Variants in DPH6 observed in about 807,000 individuals in gnomAD.
The protein encoded by DPH6 is diphthamine biosynthesis 6.
Under a neutral mutation model 38.2 loss-of-function variants are expected in DPH6, and 33 were observed. That is an observed-to-expected ratio of 0.86 (90% CI 0.65 to 1.15). DPH6 has a LOEUF of 1.15. Among genes scored for constraint, DPH6 ranks in the 50% most tolerant of loss-of-function variants. The probability of loss-of-function intolerance (pLI) is 0.00; values close to 1 mark genes in which losing one functional copy is unlikely to be tolerated. For missense variants in DPH6, 325 were observed against 320.0 expected, an observed-to-expected ratio of 1.02 and a Z score of -0.12; for synonymous variants, 108 against 103.0, an observed-to-expected ratio of 1.05 and a Z score of -0.30.
intron 3 of DPH6, among the ~76,000 whole-genome samples, chr15:35,488,691 A>T (rs1341103663): frequency 1.3e-5 from 2 of 152,186 alleles, no homozygotes; most frequent in African/African-American, 4.8e-5. Context: ...ATCAGTAGTT[A>T]AACATAATTT....
the DPH6 span, among the ~76,000 whole-genome samples, chr15:35,151,100 G>A: frequency 6.6e-6 from 1 of 152,130 alleles, no homozygotes; most frequent in African/African-American, 2.4e-5. Context: ...TAGGTAACTC[G>A]ATTGAGTTAC....
chr15:35,520,370 C>T (rs2339863), intron 3 of DPH6: 714,893 of 982,916 alleles, frequency 0.73, 267,737 homozygotes, highest in South Asian at 0.82. Flanking sequence ...TATTATACAA[C>T]AGTATCAGGA....
chr15:35,311,092 C>A (rs1031190569), intron 3 of DPH6, among the ~76,000 whole-genome samples: 10 of 149,198 alleles, frequency 6.7e-5, no homozygotes, highest in East Asian at 2.0e-4. Flanking sequence ...AAAAAAAAAA[C>A]CCAAAAAAAC....
chr15:35,310,009 T>C (rs902188956), intron 3 of DPH6, among the ~76,000 whole-genome samples: 39 of 152,090 alleles, frequency 2.6e-4, no homozygotes, highest in Admixed American at 1.6e-3. Flanking sequence ...AACTTTTTTT[T>C]CCCCCTGTGT....
downstream of DPH6, among the ~76,000 whole-genome samples, chr15:35,212,510 G>T (rs905794247): frequency 2.6e-5 from 4 of 152,058 alleles, no homozygotes; most frequent in African/African-American, 9.7e-5. Context: ...GCAGGGGAAA[G>T]ATCGTTTAAA....
intron 5 of DPH6, among the ~76,000 whole-genome samples, chr15:35,434,308 C>T (rs58016157): frequency 0.051 from 7,791 of 152,030 alleles, 657 homozygotes; most frequent in African/African-American, 0.18. Context: ...TTTTAAAAAT[C>T]ATAATTTAAA....
At chr15:35,336,462 C>A (rs765125309) in intron 3 of DPH6, among the ~76,000 whole-genome samples, 2 of 152,074 alleles carry the variant, frequency 1.3e-5, no homozygotes, top group Non-Finnish European at 2.9e-5. Context: ...TTGATCAAAT[C>A]GGCTACTGAA....
chr15:35,407,117 A>C (rs2140988070), intron 6 of DPH6, among the ~76,000 whole-genome samples: 1 of 152,156 alleles, frequency 6.6e-6, no homozygotes, highest in East Asian at 1.9e-4. Context: ...CAGGAGCTGA[A>C]ATGTGTCAGT....
chr15:35,357,050 G>A (rs895457356), intron 3 of DPH6, among the ~76,000 whole-genome samples: 3 of 152,218 alleles, frequency 2.0e-5, no homozygotes, highest in Admixed American at 6.5e-5. Flanking sequence ...CTAGCAATGA[G>A]CGAGGCTCCG....
chr15:35,349,432 T>C (rs1320144772), intron 3 of DPH6, among the ~76,000 whole-genome samples: 1 of 152,054 alleles, frequency 6.6e-6, no homozygotes, highest in African/African-American at 2.4e-5. Flanking sequence ...TGTTTGTTTT[T>C]TTGTTTTGTT....
chr15:35,388,869 C>G (rs1049803246), intron 6 of DPH6, among the ~76,000 whole-genome samples: 21 of 152,090 alleles, frequency 1.4e-4, no homozygotes, highest in Non-Finnish European at 2.4e-4. Flanking sequence ...TTAGTTATTT[C>G]TTGCCTTCTG....
downstream of DPH6, among the ~76,000 whole-genome samples, chr15:35,330,260 G>A (rs1200142337): frequency 2.6e-5 from 4 of 152,060 alleles, no homozygotes; most frequent in African/African-American, 4.8e-5. Flanking sequence ...TCTATCATGC[G>A]AATACGTGAA....
chr15:35,240,120 C>T (rs566549180), intron 3 of DPH6, among the ~76,000 whole-genome samples: 1 of 136,202 alleles, frequency 7.3e-6, no homozygotes, highest in South Asian at 2.7e-4. Context: ...CAACTCACAC[C>T]TGACCTAAAA....
chr15:35,237,870 A>T lies in DPH6; in HGVS notation n.201-17288T>A, dbSNP rs1329490362. 5.4e-6 allele frequency: 8 copies of T among 1,492,898 alleles called. No individual in the cohort carries two copies. The Admixed American group carries it at 1.4e-4, about 25-fold the overall frequency. 92.5% of individuals were successfully genotyped at this position (1,492,898 alleles called of 1,614,324 possible). ...GAGGATGAGGAGGAGTATGACGAAG[A>T]TGCTCAGGTAGTGGAGGACGAGGAG... On this transcript the variant is annotated intron_variant and non_coding_transcript_variant, in intron 3 of 3. Coordinates refer to the DPH6 transcript ENST00000560386.
chr15:35,161,966 A>G, the DPH6 span, among the ~76,000 whole-genome samples: 1 of 151,924 alleles, frequency 6.6e-6, no homozygotes, highest in Non-Finnish European at 1.5e-5. Context: ...AAGTGGCAGC[A>G]GTATTTATGC....
At chr15:35,163,879 T>C in the DPH6 span, among the ~76,000 whole-genome samples, 2 of 151,942 alleles carry the variant, frequency 1.3e-5, no homozygotes, top group Middle Eastern at 3.4e-3. Context: ...CTGGTAATGC[T>C]AGGGAACAGA....
At chr15:35,150,825 A>G in the DPH6 span, among the ~76,000 whole-genome samples, 1 of 152,234 alleles carries the variant, frequency 6.6e-6, no homozygotes, top group Non-Finnish European at 1.5e-5. Flanking sequence ...AGAGATATTA[A>G]AAGATGATGA....
At chr15:35,193,891 C>A in the DPH6 span, among the ~76,000 whole-genome samples, 4 of 152,186 alleles carry the variant, frequency 2.6e-5, no homozygotes, top group Admixed American at 2.0e-4. Context: ...ATGATACCCA[C>A]CAAGGGGGAA....
chr15:35,344,759 ATTCT>A (rs1245143648), intron 3 of DPH6, among the ~76,000 whole-genome samples: 10 of 151,890 alleles, frequency 6.6e-5, no homozygotes, highest in Non-Finnish European at 1.2e-4. Context: ...AAGGTAGAAA[ATTCT>A]TTATTTATAT....
Sources: allele counts gnomAD v4.1 joint callset (sites outside exome capture counted in the v4.1 genomes callset), GRCh38; gene constraint gnomAD v4.1.1; transcripts MANE v1.5; gene names NCBI Gene and HGNC (gene_info 2026-07-23, HGNC 2026-07-21).